The following HOGA1 variants were observed in gnomAD, a reference collection of about 807,000 sequenced individuals.
HOGA1 encodes the protein 4-hydroxy-2-oxoglutarate aldolase 1, also known as 4-hydroxy-2-oxoglutarate aldolase, mitochondrial.
HOGA1 carries 30 observed loss-of-function variants against 34.3 expected under a neutral mutation model. That is an observed-to-expected ratio of 0.87 (90% CI 0.65 to 1.19). The LOEUF is 1.19. Among genes scored for constraint, HOGA1 ranks in the 50% most tolerant of loss-of-function variants. HOGA1 has a pLI of 0.00. For synonymous variants in HOGA1, 161 were observed against 174.0 expected, an observed-to-expected ratio of 0.93 and a Z score of 0.59; for missense variants, 417 against 436.5, an observed-to-expected ratio of 0.96 and a Z score of 0.40.
intron 6 of HOGA1, chr10:97,602,567 G>A: frequency 5.1e-6 from 5 of 985,402 alleles, no homozygotes; most frequent in Non-Finnish European, 6.0e-6. Flanking sequence ...AGAAAAATAT[G>A]TGCCCCTGTA....
intron 1 of HOGA1, among the ~76,000 whole-genome samples, chr10:97,592,585 G>A (rs537996491): frequency 6.6e-6 from 1 of 151,806 alleles, no homozygotes; most frequent in African/African-American, 2.4e-5. Flanking sequence ...AAATCTAAAA[G>A]TAATTCAATA....
chr10:97,592,350 C>G (rs1038412247), intron 1 of HOGA1, among the ~76,000 whole-genome samples: 3 of 150,404 alleles, frequency 2.0e-5, no homozygotes, highest in African/African-American at 7.3e-5. Context: ...ATGCCATTCT[C>G]CTGCCTCAGT....
At position 97,599,235 on chromosome 10, in the gene HOGA1, A is replaced by T; in HGVS notation, c.468+19A>T. 1 of 1,613,866 alleles carries T rather than the reference A, an allele frequency of 6.2e-7. No homozygotes were observed. The highest frequency in any genetic ancestry group is 8.5e-7 in the Non-Finnish European group (1 of 1,179,942). ...CACCAAGGTGTGTGTGAGGCCTGAG[A>T]CCAAGAGGAGGCTCTGCCCAGGGAG... On this transcript the variant is annotated intron_variant, in intron 3 of 6. Coordinates refer to ENST00000370646, the MANE Select transcript of HOGA1 (RefSeq NM_138413.4).
chr10:97,612,062 G>A lies in HOGA1; in HGVS notation c.*403G>A, dbSNP rs530801132. On this transcript the variant is annotated 3_prime_UTR_variant, in exon 7 of 7. Transcript: ENST00000370646. The stretch of plus-strand genomic sequence containing the variant: ...GACAGAGTTTCACTCTGTCACCCAG[G>A]CTGGAGTGCAATGGCATGATCTCGC... 5.5e-6 allele frequency: 1 copy of A among 182,456 alleles called. No individual in the cohort carries two copies. The highest frequency in any genetic ancestry group is 1.1e-5 in the Non-Finnish European group (1 of 87,168). 11.3% of individuals were successfully genotyped at this position (182,456 alleles called of 1,614,324 possible). A position where few individuals can be genotyped will look rare whatever the true frequency, so the allele number is the denominator to read the frequency against.
chr10:97,604,406 T>G (rs2041142298), intron 6 of HOGA1, among the ~76,000 whole-genome samples: 1 of 152,132 alleles, frequency 6.6e-6, no homozygotes, highest in Admixed American at 6.6e-5. Flanking sequence ...CATTGCAGCC[T>G]CAACCTCCTG....
intron 6 of HOGA1, 26 bp from the exon 7 acceptor site, chr10:97,611,484 C>T (rs760090398): frequency 2.5e-6 from 4 of 1,614,108 alleles, no homozygotes; most frequent in Non-Finnish European, 3.4e-6. Flanking sequence ...ATTTCTCAGT[C>T]TCTTCTAACA....
At chr10:97,599,269 AG>A in intron 3 of HOGA1, 53 bp downstream of exon 3, 1 of 1,609,310 alleles carries the variant, frequency 6.2e-7, no homozygotes, top group Non-Finnish European at 8.5e-7. Flanking sequence ...AGAGGAGATA[AG>A]GGAAGCTGGG....
At chr10:97,609,086 G>A (rs1439608223) in intron 6 of HOGA1, among the ~76,000 whole-genome samples, 3 of 152,160 alleles carry the variant, frequency 2.0e-5, no homozygotes, top group African/African-American at 7.2e-5. Flanking sequence ...CTTCTGAGAT[G>A]GGACCTTCTA....
chr10:97,599,306 G>T (rs1463031670), intron 3 of HOGA1, 90 bp downstream of exon 3: 6 of 1,497,048 alleles, frequency 4.0e-6, no homozygotes, highest in Non-Finnish European at 5.5e-6. Context: ...CACATGAACG[G>T]CAGCTATAGG....
chr10:97,589,698 G>A (rs1184910661), intron 1 of HOGA1: 7 of 586,706 alleles, frequency 1.2e-5, no homozygotes, highest in Non-Finnish European at 1.8e-5. Context: ...CCTAGGGAGG[G>A]TGCAGCAGGG....
chr10:97,609,262 G>A lies in HOGA1; in HGVS notation c.835-2248G>A, dbSNP rs192006298. On this transcript the variant is annotated intron_variant, in intron 6 of 6. Transcript: ENST00000370646. ...ATGCCACCGGGACAGGAAACGGAGC[G>A]GCTTCCAGGGCTCATGGGAACTGGT... Among the ~76,000 whole-genome samples the A allele has an allele frequency of 4.6e-5, 7 of 152,162 alleles. No individual in the cohort carries two copies. In the East Asian group the frequency reaches 5.8e-4, roughly 13 times the overall value.
At chr10:97,599,990 C>G in intron 4 of HOGA1, 77 bp from the exon 5 acceptor site, 1 of 1,509,120 alleles carries the variant, frequency 6.6e-7, no homozygotes, top group Non-Finnish European at 9.2e-7. Flanking sequence ...ACTGGGCTTT[C>G]ATTCCACCAC....
At chr10:97,599,301 G>C in intron 3 of HOGA1, 85 bp downstream of exon 3, 1 of 1,527,220 alleles carries the variant, frequency 6.5e-7, no homozygotes, top group Non-Finnish European at 9.0e-7. Context: ...TGCTTCACAT[G>C]AACGGCAGCT....
chr10:97,588,204 T>C lies in HOGA1; in HGVS notation c.211+3290T>C, dbSNP rs1019019129. ...ATTCTTTTTGTTTTTTCTTTCTTTT[T>C]TTTTTTTTTTTGTGATGGAGTCTTG... On this transcript the variant is annotated intron_variant, in intron 1 of 6. Transcript: ENST00000370646. 1.5e-4 allele frequency among the ~76,000 whole-genome samples: 23 copies of C among 149,376 alleles called. No individual in the cohort carries two copies. In the East Asian group the frequency reaches 3.3e-3, roughly 21 times the overall value.
chr10:97,601,201 G>C (rs901516635), intron 5 of HOGA1, among the ~76,000 whole-genome samples: 1 of 152,120 alleles, frequency 6.6e-6, no homozygotes, highest in Non-Finnish European at 1.5e-5. Context: ...ACGGTTTTGA[G>C]GCCACTGTGC....
At chr10:97,593,352 C>G (rs1378068030) in intron 1 of HOGA1, among the ~76,000 whole-genome samples, 2 of 152,024 alleles carry the variant, frequency 1.3e-5, no homozygotes, top group Admixed American at 6.6e-5. Context: ...TGGCAGGCAC[C>G]TGTAATCTCA....
intron 6 of HOGA1, 70 bp downstream of exon 6, chr10:97,602,060 C>T (rs1230131945): frequency 6.4e-7 from 1 of 1,559,434 alleles, no homozygotes; most frequent in Non-Finnish European, 8.7e-7. Flanking sequence ...GGAGCAGGAC[C>T]CAGGGCTGGC....
At chr10:97,587,475 G>A (rs906001283) in intron 1 of HOGA1, among the ~76,000 whole-genome samples, 4 of 152,062 alleles carry the variant, frequency 2.6e-5, no homozygotes, top group African/African-American at 9.7e-5. Context: ...TCAGTGAAGA[G>A]TTAGAGATTC....
chr10:97,587,838 C>A (rs2040982390), intron 1 of HOGA1, among the ~76,000 whole-genome samples: 1 of 151,286 alleles, frequency 6.6e-6, no homozygotes, highest in Non-Finnish European at 1.5e-5. Flanking sequence ...AAGATGGGGT[C>A]TCAGTCTGCC....
Sources: allele counts gnomAD v4.1 joint callset (sites outside exome capture counted in the v4.1 genomes callset), GRCh38; gene constraint gnomAD v4.1.1; transcripts MANE v1.5; gene names NCBI Gene and HGNC (gene_info 2026-07-23, HGNC 2026-07-21).